TTC33: variants seen among roughly 807,000 people sequenced by gnomAD.
TTC33 encodes the protein tetratricopeptide repeat domain 33.
TTC33 carries 24 observed loss-of-function variants against 29.4 expected under a neutral mutation model. That is an observed-to-expected ratio of 0.82 (90% confidence interval 0.59 to 1.15). The LOEUF is 1.15. Ranked by LOEUF, TTC33 falls within the 50% of genes most tolerant of loss-of-function variation. The pLI is 0.00. For missense variants in TTC33, 286 were observed against 310.4 expected, an observed-to-expected ratio of 0.92 and a Z score of 0.59; for synonymous variants, 107 against 100.3, an observed-to-expected ratio of 1.07 and a Z score of -0.40.
At chr5:40,737,737 G>A (rs1052227963) in intron 2 of TTC33, among the ~76,000 whole-genome samples, 2 of 151,918 alleles carry the variant, frequency 1.3e-5, no homozygotes, top group Non-Finnish European at 2.9e-5. Context: ...CCCCTTTCTC[G>A]GGAAATCTAC....
rs772511372 is a variant in TTC33, at chr5:40,712,824, C to A, written c.*3321G>T. Among the ~76,000 whole-genome samples, 1 of 152,112 alleles carries A rather than the reference C, an allele frequency of 6.6e-6. No homozygotes were observed. Among genetic ancestry groups the A allele is most frequent in the Non-Finnish European group, 1.5e-5 (1 of 68,020 alleles). On this transcript the variant is annotated 3_prime_UTR_variant, in exon 5 of 5. Transcript: ENST00000337702. ...GTGAGAGGAAGCCATCCTTACCCGC[C>A]GCTGCCTTCTGACCAAAGTAGTTCA...
rs547838523 is a variant in TTC33 at position 40,718,793 on chromosome 5, T to C, written c.436-2295A>G. Among the ~76,000 whole-genome samples, 92 of 151,216 alleles carry C rather than the reference T, an allele frequency of 6.1e-4. No homozygotes were observed. The Middle Eastern group carries it at 0.01, about 17-fold the overall frequency. ...GTGTATGCCTGTAATCCCAGCTAAT[T>C]TGGAGGCTGAGGCAGGAGAATCACT... On this transcript the variant is annotated intron_variant, in intron 4 of 4. Coordinates refer to ENST00000337702, the MANE Select transcript of TTC33 (RefSeq NM_012382.3).
chr5:40,717,599 C>T (rs970545662), intron 4 of TTC33, among the ~76,000 whole-genome samples: 4 of 152,222 alleles, frequency 2.6e-5, no homozygotes, highest in African/African-American at 9.7e-5. Context: ...AATACAGCTT[C>T]CTTTCCTAGT....
At chr5:40,727,847 T>C (rs987287662) in intron 4 of TTC33, among the ~76,000 whole-genome samples, 1 of 152,174 alleles carries the variant, frequency 6.6e-6, no homozygotes, top group African/African-American at 2.4e-5. Flanking sequence ...ATGATATAAT[T>C]AGTGTCTATA....
chr5:40,745,552 T>C (rs926537078), intron 2 of TTC33, among the ~76,000 whole-genome samples: 2 of 151,692 alleles, frequency 1.3e-5, no homozygotes, highest in Non-Finnish European at 1.5e-5. Flanking sequence ...GGAGACAGCG[T>C]CTCACTCTGT....
chr5:40,747,310 G>A (rs562675577), intron 1 of TTC33, among the ~76,000 whole-genome samples: 3 of 152,104 alleles, frequency 2.0e-5, no homozygotes, highest in East Asian at 1.9e-4. Flanking sequence ...TGCCCATCTC[G>A]GTCTCCCAAA....
intron 4 of TTC33, among the ~76,000 whole-genome samples, chr5:40,721,682 A>AAAAAC (rs139979277): frequency 0.096 from 14,625 of 151,862 alleles, 882 homozygotes; most frequent in East Asian, 0.24. Flanking sequence ...CAAAAAAAAC[A>AAAAAC]AAAACAAAAC....
At position 40,725,735 on chromosome 5, in the gene TTC33, C is replaced by A. The variant is rs569282640; in HGVS notation, c.435+2610G>T. Among the ~76,000 whole-genome samples, 3 of 151,904 alleles carry A rather than the reference C, an allele frequency of 2.0e-5. No individual in the cohort carries two copies. In the South Asian group the frequency reaches 6.2e-4, roughly 32 times the overall value. ...CCCTTATGTATTCCTTTCTCACCAT[C>A]CCCATTCCCTCATACAGAATTTTTA... On this transcript the variant is annotated intron_variant, in intron 4 of 4. Coordinates refer to ENST00000337702, the MANE Select transcript of TTC33 (RefSeq NM_012382.3).
At chr5:40,733,756 C>T (rs1271661641) in intron 2 of TTC33, among the ~76,000 whole-genome samples, 1 of 152,130 alleles carries the variant, frequency 6.6e-6, no homozygotes, top group Non-Finnish European at 1.5e-5. Context: ...TGGCTTATCC[C>T]GTCCCCAACC....
intron 4 of TTC33, among the ~76,000 whole-genome samples, chr5:40,722,322 C>G (rs936306676): frequency 6.6e-6 from 1 of 152,188 alleles, no homozygotes; most frequent in African/African-American, 2.4e-5. Context: ...TCTGCCCGGC[C>G]GCCACCCCGT....
intron 2 of TTC33, among the ~76,000 whole-genome samples, chr5:40,739,353 G>C (rs1295237613): frequency 6.6e-6 from 1 of 152,164 alleles, no homozygotes; most frequent in South Asian, 2.1e-4. Flanking sequence ...GAGAACTGAT[G>C]TATTAACAAA....
At chr5:40,739,754 C>T (rs1742654469) in intron 2 of TTC33, among the ~76,000 whole-genome samples, 1 of 152,110 alleles carries the variant, frequency 6.6e-6, no homozygotes, top group South Asian at 2.1e-4. Context: ...ATTATCCAGT[C>T]TCAGGTAGTT....
At chr5:40,753,616 T>C (rs1363824043) in intron 1 of TTC33, among the ~76,000 whole-genome samples, 1 of 152,052 alleles carries the variant, frequency 6.6e-6, no homozygotes, top group Admixed American at 6.6e-5. Context: ...GAAGTGTGGA[T>C]ACTATGGAAC....
At position 40,713,276 on chromosome 5, in the gene TTC33, A is replaced by T. The variant is rs1197416499; in HGVS notation, c.*2869T>A. 6.6e-6 allele frequency among the ~76,000 whole-genome samples: 1 copy of T among 152,168 alleles called. No individual in the cohort carries two copies. On this transcript the variant is annotated 3_prime_UTR_variant, in exon 5 of 5. Coordinates refer to ENST00000337702, the MANE Select transcript of TTC33 (RefSeq NM_012382.3). ...CTCTGATTCAAGGAAATTAAAAGAA[A>T]TGATTGTTAATTTTCTTAGTGCTGG... is the stretch of plus-strand genomic sequence containing the variant.
intron 2 of TTC33, among the ~76,000 whole-genome samples, chr5:40,737,822 A>C (rs1398095854): frequency 6.6e-6 from 1 of 152,216 alleles, no homozygotes; most frequent in Admixed American, 6.5e-5. Context: ...CAGATTTATA[A>C]AATTGGAATC....
chr5:40,720,045 T>C (rs1459138300), intron 4 of TTC33, among the ~76,000 whole-genome samples: 1 of 152,172 alleles, frequency 6.6e-6, no homozygotes, highest in East Asian at 1.9e-4. Flanking sequence ...TAATTTGAAG[T>C]CCAATTTTTA....
At chr5:40,735,232 T>C (rs1348129488) in intron 2 of TTC33, among the ~76,000 whole-genome samples, 1 of 152,180 alleles carries the variant, frequency 6.6e-6, no homozygotes, top group African/African-American at 2.4e-5. Context: ...CAGTGAGACA[T>C]GAATTATTGA....
intron 1 of TTC33, among the ~76,000 whole-genome samples, chr5:40,753,361 T>C (rs1742930726): frequency 7.1e-6 from 1 of 140,428 alleles, no homozygotes; most frequent in Non-Finnish European, 1.6e-5. Flanking sequence ...CAAAACTCCA[T>C]CTCAAAAAAA....
At chr5:40,719,910 T>C (rs1253131126) in intron 4 of TTC33, among the ~76,000 whole-genome samples, 1 of 152,218 alleles carries the variant, frequency 6.6e-6, no homozygotes, top group Non-Finnish European at 1.5e-5. Context: ...TATTGAGTTG[T>C]AAGAGTTTTT....
Sources: allele counts gnomAD v4.1 joint callset (sites outside exome capture counted in the v4.1 genomes callset), GRCh38; gene constraint gnomAD v4.1.1; transcripts MANE v1.5; gene names NCBI Gene and HGNC (gene_info 2026-07-23, HGNC 2026-07-21).